SHF: variants seen among roughly 807,000 people sequenced by gnomAD.
SHF encodes Src homology 2 domain containing F.
Under a neutral mutation model 42.4 loss-of-function variants are expected in SHF, and 30 were observed. The ratio of observed to expected loss-of-function variants is 0.71; its 90% CI spans 0.53 to 0.96. The LOEUF (loss-of-function observed/expected upper bound fraction) is 0.96. Among genes scored for constraint, SHF ranks in the 40% least tolerant of loss-of-function variants. SHF has a pLI of 0.00. For synonymous variants in SHF, 264 were observed against 269.9 expected, an observed-to-expected ratio of 0.98 and a Z score of 0.21; for missense variants, 598 against 634.0, an observed-to-expected ratio of 0.94 and a Z score of 0.61.
At chr15:45,193,022 CTTTACAA>C (rs1395311027) in intron 2 of SHF, among the ~76,000 whole-genome samples, 2 of 152,242 alleles carry the variant, frequency 1.3e-5, no homozygotes, top group Non-Finnish European at 2.9e-5. Flanking sequence ...GATCTCTCCA[CTTTACAA>C]TTTAAAGAAA....
Position 45,171,915 on chromosome 15 carries a change from C to T in SHF, c.1248G>A (p.Glu416=). The T allele has an allele frequency of 6.2e-7, 1 of 1,613,762 alleles. No individual in the cohort carries two copies. The highest frequency in any genetic ancestry group is 8.5e-7 in the Non-Finnish European group (1 of 1,179,876). The stretch of plus-strand genomic sequence containing the variant: ...AGAGGGAGAAGTCATTCTTGCTGGT[C>T]TCACTGTTGCGCACCAGGTAGCTGG... ...KEASYLVRNS[E]TSKNDFSLSL... Residue 416 remains glutamate, a synonymous_variant, in exon 6 of 7, where the codon GAG becomes GAA. Coordinates refer to ENST00000690270, the MANE Select transcript of SHF (RefSeq NM_001394037.1).
intron 2 of SHF, among the ~76,000 whole-genome samples, chr15:45,193,936 C>CAA (rs776163657): frequency 7.2e-5 from 9 of 125,134 alleles, no homozygotes; most frequent in Non-Finnish European, 1.0e-4. Context: ...CCTTCTGTAC[C>CAA]AAAAAAAAAA....
In SHF at chr15:45,187,218, G is replaced by C. The variant is rs1299982328; in HGVS notation, c.498+236C>G. On this transcript the variant is annotated intron_variant, in intron 1 of 6. Coordinates refer to ENST00000690270, the MANE Select transcript of SHF (RefSeq NM_001394037.1). ...CGGGAGGGGGAGGGTCACCAGTTCTGGGGCCATTACAAAGGATAGGGCAGA... is the reference window on the plus strand; with the variant it reads ...CGGGAGGGGGAGGGTCACCAGTTCTCGGGCCATTACAAAGGATAGGGCAGA... 2.6e-5 allele frequency among the ~76,000 whole-genome samples: 4 copies of C among 152,184 alleles called. No individual in the cohort carries two copies. In the South Asian group the frequency reaches 8.3e-4, roughly 31 times the overall value.
At position 45,187,439 on chromosome 15, in the gene SHF, C is replaced by G. The variant is rs1235940927; in HGVS notation, c.498+15G>C. On this transcript the variant is annotated intron_variant, in intron 1 of 6. Coordinates refer to ENST00000690270, the MANE Select transcript of SHF (RefSeq NM_001394037.1). ...GCCTTCCCTCCTGGCCATCCCGGCC[C>G]GGCGCGGCACTCACCCTATCGCTGC... The G allele has an allele frequency of 3.2e-6, 4 of 1,232,064 alleles. No individual in the cohort carries two copies. The highest frequency in any genetic ancestry group is 3.0e-6 in the Non-Finnish European group (3 of 987,948). 76.3% of individuals were successfully genotyped at this position (1,232,064 alleles called of 1,614,324 possible).
chr15:45,193,999 G>A (rs1898788740), intron 2 of SHF, among the ~76,000 whole-genome samples: 1 of 151,356 alleles, frequency 6.6e-6, no homozygotes, highest in African/African-American at 2.4e-5. Context: ...CCACTCAGGA[G>A]GCTGAGGTGG....
In SHF at chr15:45,171,865, A is replaced by C; in HGVS notation, c.1280+18T>G. On this transcript the variant is annotated intron_variant, in intron 6 of 6. Coordinates refer to ENST00000690270, the MANE Select transcript of SHF (RefSeq NM_001394037.1). ...CACCCTGCTTGCTGTCCCTGAAACC[A>C]CAACTGTCCCCACTCACTTGAGGGA... The C allele has an allele frequency of 2.5e-6, 4 of 1,609,850 alleles. No homozygotes were observed. Among genetic ancestry groups the C allele is most frequent in the Non-Finnish European group, 1.7e-6 (2 of 1,177,686 alleles).
At chr15:45,168,338 G>A (rs550278026) in intron 6 of SHF, among the ~76,000 whole-genome samples, 29 of 152,272 alleles carry the variant, frequency 1.9e-4, no homozygotes, top group Admixed American at 1.6e-3. Context: ...TTGGCTTTGT[G>A]GTAAGGCCAC....
rs772928352 is a variant in SHF, at chr15:45,198,881, GA to G, written c.193del (p.Ser65HisfsTer38). 7 of 1,614,066 alleles carry G rather than the reference GA, an allele frequency of 4.3e-6. No individual in the cohort carries two copies. The East Asian group carries it at 1.6e-4, about 36-fold the overall frequency. ...CCCATTAGCCACGGGCTGTGGTGATGATGAGATGGGCTCCCGGTGAGCGCAG... is the reference window on the plus strand; with the variant it reads ...CCCATTAGCCACGGGCTGTGGTGATGTGAGATGGGCTCCCGGTGAGCGCAG... On this transcript the variant is annotated frameshift_variant, in exon 2 of 8. Coordinates refer to the SHF transcript ENST00000290894. LOFTEE classifies it high-confidence loss of function.
intron 1 of SHF, chr15:45,200,257 C>A (rs988836477): frequency 1.2e-5 from 2 of 164,464 alleles, no homozygotes; most frequent in African/African-American, 4.8e-5. Flanking sequence ...AAGCCTATAT[C>A]TTTCCAAAGT....
intron 2 of SHF, among the ~76,000 whole-genome samples, chr15:45,198,011 G>A (rs1001209825): frequency 1.3e-5 from 2 of 152,076 alleles, no homozygotes; most frequent in Admixed American, 6.5e-5. Flanking sequence ...ATGAAAAAGA[G>A]CTGTACTTTT....
At chr15:45,189,049 C>T (rs1247027865), upstream of SHF, among the ~76,000 whole-genome samples, 2 of 151,874 alleles carry the variant, frequency 1.3e-5, no homozygotes, top group African/African-American at 2.4e-5. Flanking sequence ...AAAAATTAGT[C>T]GGGTGTGGTG....
chr15:45,183,045 A>C (rs1898209890), intron 1 of SHF, among the ~76,000 whole-genome samples: 1 of 152,224 alleles, frequency 6.6e-6, no homozygotes, highest in Non-Finnish European at 1.5e-5. Flanking sequence ...GGTGGTCCCC[A>C]GCATTCAGGA....
intron 2 of SHF, among the ~76,000 whole-genome samples, chr15:45,175,819 CTTTTT>C (rs71114315): frequency 2.4e-5 from 3 of 126,014 alleles, no homozygotes; most frequent in African/African-American, 2.8e-5. Context: ...TTTTTCTTTT[CTTTTT>C]TTTTTTTTTT....
At chr15:45,200,674 G>T (rs1899061883) in intron 1 of SHF, 8 of 454,698 alleles carry the variant, frequency 1.8e-5, no homozygotes, top group Non-Finnish European at 3.1e-5. Flanking sequence ...CTGCGCACCA[G>T]ACACGGTGGC....
intron 1 of SHF, among the ~76,000 whole-genome samples, chr15:45,184,269 T>C (rs961490916): frequency 2.6e-5 from 4 of 152,210 alleles, no homozygotes; most frequent in African/African-American, 9.7e-5. Context: ...TCCCTCACTT[T>C]ACTCTTCCTA....
chr15:45,190,604 A>G (rs1200640498), upstream of SHF, among the ~76,000 whole-genome samples: 1 of 152,238 alleles, frequency 6.6e-6, no homozygotes, highest in East Asian at 1.9e-4. Flanking sequence ...AATGAAATCA[A>G]TCAAGTCTGC....
intron 3 of SHF, chr15:45,174,178 A>G (rs1035917705): frequency 2.6e-5 from 5 of 190,788 alleles, no homozygotes; most frequent in Non-Finnish European, 2.2e-5. Flanking sequence ...AGAAAGAGCC[A>G]GCCTCGCCTC....
chr15:45,196,590 C>T (rs1898868797), intron 2 of SHF, among the ~76,000 whole-genome samples: 1 of 152,080 alleles, frequency 6.6e-6, no homozygotes, highest in African/African-American at 2.4e-5. Flanking sequence ...TTTTTCTTCC[C>T]TCCTTACTAT....
intron 2 of SHF, chr15:45,198,527 G>A (rs1898943747): frequency 2.1e-6 from 1 of 475,062 alleles, no homozygotes; most frequent in African/African-American, 1.9e-5. Context: ...TTTCAAGAAA[G>A]TGAATTACGA....
Sources: gnomAD v4.1 joint callset for allele counts (sites outside exome capture counted in the v4.1 genomes callset) on GRCh38, gnomAD v4.1.1 for gene constraint, MANE v1.5 for transcripts, NCBI Gene and HGNC (gene_info 2026-07-23, HGNC 2026-07-21) for gene names.